The following HS3ST4 variants were observed in gnomAD, a reference collection of about 807,000 sequenced individuals.
HS3ST4 encodes the protein heparan sulfate-glucosamine 3-sulfotransferase 4.
Under a neutral mutation model 29.2 loss-of-function variants are expected in HS3ST4, and 17 were observed. The ratio of observed to expected loss-of-function variants is 0.58; its 90% CI spans 0.40 to 0.87. The LOEUF (loss-of-function observed/expected upper bound fraction) is 0.87, where lower values mean the gene tolerates loss of function less well. Among genes scored for constraint, HS3ST4 ranks in the 40% least tolerant of loss-of-function variants. HS3ST4 has a pLI of 0.00. For missense variants in HS3ST4, 627 were observed against 634.5 expected (o/e 0.99, Z 0.13); for synonymous variants, 314 against 285.7 (o/e 1.10, Z -1.00).
At chr16:26,099,296 A>G (rs1898965381) in intron 1 of HS3ST4, among the ~76,000 whole-genome samples, 1 of 152,202 alleles carries the variant, frequency 6.6e-6, no homozygotes, top group African/African-American at 2.4e-5. Context: ...CTGAGACTAC[A>G]GGTGGATGTC....
chr16:25,860,053 G>T (rs1290269436), intron 1 of HS3ST4, among the ~76,000 whole-genome samples: 1 of 152,154 alleles, frequency 6.6e-6, no homozygotes, highest in Non-Finnish European at 1.5e-5. Context: ...CTCCTTATGA[G>T]AATCTAATTG....
intron 1 of HS3ST4, among the ~76,000 whole-genome samples, chr16:25,754,275 G>T (rs1467774689): frequency 6.6e-6 from 1 of 151,908 alleles, no homozygotes; most frequent in Non-Finnish European, 1.5e-5. Flanking sequence ...CTGGTAAGGA[G>T]CCTCCAATCA....
At chr16:25,904,557 GGGACA>G (rs1293624806) in intron 1 of HS3ST4, among the ~76,000 whole-genome samples, 1 of 152,138 alleles carries the variant, frequency 6.6e-6, no homozygotes, top group Non-Finnish European at 1.5e-5. Context: ...CTGGCTTGTG[GGGACA>G]GGTTGCTTGG....
intron 1 of HS3ST4, among the ~76,000 whole-genome samples, chr16:26,074,663 AT>A (rs573174143): frequency 6.9e-4 from 103 of 150,144 alleles, no homozygotes; most frequent in East Asian, 9.8e-4. Flanking sequence ...GAATATACAC[AT>A]TTTTTTTTTA....
chr16:26,135,660 T>C lies in HS3ST4; in HGVS notation c.783T>C (p.Thr261=). The change falls in exon 2 of 2, where the codon ACT becomes ACC. Residue 261 remains threonine, a synonymous_variant. Coordinates refer to ENST00000331351, the MANE Select transcript of HS3ST4 (RefSeq NM_006040.3). ...TLDGQITMEK[T]PSYFVTNEAP... Reference sequence around the variant, plus strand: ...ATGGGCAAATAACCATGGAGAAGACTCCAAGTTACTTTGTGACAAATGAGG... The same window carrying C: ...ATGGGCAAATAACCATGGAGAAGACCCCAAGTTACTTTGTGACAAATGAGG... 6.2e-7 allele frequency: 1 copy of C among 1,613,188 alleles called. No individual in the cohort carries two copies. Among genetic ancestry groups the C allele is most frequent in the Middle Eastern group, 1.7e-4 (1 of 6,046 alleles).
At chr16:26,058,467 G>A (rs1898437353) in intron 1 of HS3ST4, among the ~76,000 whole-genome samples, 1 of 152,184 alleles carries the variant, frequency 6.6e-6, no homozygotes, top group African/African-American at 2.4e-5. Context: ...CCTTGGCTGA[G>A]AACACTGGGG....
At chr16:25,782,535 A>G (rs1314787143) in intron 1 of HS3ST4, among the ~76,000 whole-genome samples, 1 of 152,196 alleles carries the variant, frequency 6.6e-6, no homozygotes. Flanking sequence ...AGAAAAATAC[A>G]TTACACTTGA....
At chr16:25,920,665 C>A (rs1461599354) in intron 1 of HS3ST4, among the ~76,000 whole-genome samples, 1 of 142,706 alleles carries the variant, frequency 7.0e-6, no homozygotes, top group East Asian at 2.3e-4. Context: ...TACAGTGGTG[C>A]GGTCATGGCT....
intron 1 of HS3ST4, among the ~76,000 whole-genome samples, chr16:26,022,870 G>A (rs1000794663): frequency 2.0e-5 from 3 of 152,016 alleles, no homozygotes; most frequent in African/African-American, 7.2e-5. Flanking sequence ...AGTAGAGATG[G>A]GGTTTCATCA....
rs9934262 is a variant in HS3ST4 at position 25,816,414 on chromosome 16, G to A, written c.734+123263G>A. Among the ~76,000 whole-genome samples the A allele has an allele frequency of 2.2e-3, 342 of 152,244 alleles. 3 individuals carry two copies. Among genetic ancestry groups the A allele is most frequent in the African/African-American group, 7.5e-3 (310 of 41,536 alleles). On this transcript the variant is annotated intron_variant, in intron 1 of 1. Coordinates refer to ENST00000331351, the MANE Select transcript of HS3ST4 (RefSeq NM_006040.3). ...GTACCTCCAGCACCCGTCCAGACTC[G>A]TGGACTGTCTTAGGTGCACCACATC...
chr16:25,934,681 C>A (rs1968501514), intron 1 of HS3ST4, among the ~76,000 whole-genome samples: 1 of 152,160 alleles, frequency 6.6e-6, no homozygotes, highest in South Asian at 2.1e-4. Context: ...TGCATGTGGA[C>A]TGCACCAAAC....
At chr16:25,819,525 C>T (rs956497336) in intron 1 of HS3ST4, among the ~76,000 whole-genome samples, 8 of 152,142 alleles carry the variant, frequency 5.3e-5, no homozygotes, top group Non-Finnish European at 7.3e-5. Context: ...CAAAAATGCA[C>T]GGCCGTCTGT....
intron 1 of HS3ST4, among the ~76,000 whole-genome samples, chr16:26,092,759 C>A (rs62036772): frequency 6.6e-6 from 1 of 152,064 alleles, no homozygotes; most frequent in East Asian, 1.9e-4. Context: ...GTGCAGCCCA[C>A]GGAGGGTGAG....
At chr16:26,027,801 T>C (rs1969490307) in intron 1 of HS3ST4, among the ~76,000 whole-genome samples, 1 of 152,216 alleles carries the variant, frequency 6.6e-6, no homozygotes. Flanking sequence ...AGAAGTTTAA[T>C]ACTTGTTCGA....
intron 1 of HS3ST4, among the ~76,000 whole-genome samples, chr16:25,918,889 G>A (rs1968319138): frequency 6.6e-6 from 1 of 152,196 alleles, no homozygotes; most frequent in Non-Finnish European, 1.5e-5. Flanking sequence ...ATATGTGTGT[G>A]ACATGGGACA....
Position 26,051,939 on chromosome 16 carries a change from GTCCTTCCT to G in HS3ST4, c.735-83656_735-83649del, listed in dbSNP as rs1358327694. ...CTTCCTTCCTTCCTTCCTTCCTTCCGTCCTTCCTTCCTTCCTTCCTTCCTCTTCCCCAA... is the reference window on the plus strand; with the variant it reads ...CTTCCTTCCTTCCTTCCTTCCTTCCGTCCTTCCTTCCTTCCTCTTCCCCAA... On this transcript the variant is annotated intron_variant, in intron 1 of 1. Coordinates refer to ENST00000331351, the MANE Select transcript of HS3ST4 (RefSeq NM_006040.3). Among the ~76,000 whole-genome samples, 558 of 107,074 alleles carry G rather than the reference GTCCTTCCT, an allele frequency of 5.2e-3. 5 individuals are homozygous for G. The highest frequency in any genetic ancestry group is 0.019 in the African/African-American group (518 of 26,570). The allele number at this position is 107,074 out of a possible 152,430, so 70.2% of individuals were successfully genotyped here. A position where few individuals can be genotyped will look rare whatever the true frequency, so the allele number is the denominator to read the frequency against.
intron 1 of HS3ST4, among the ~76,000 whole-genome samples, chr16:25,700,360 C>T (rs1039359049): frequency 6.6e-6 from 1 of 152,130 alleles, no homozygotes; most frequent in Non-Finnish European, 1.5e-5. Context: ...TTTAGGATGC[C>T]AGGAGCCTGT....
intron 1 of HS3ST4, among the ~76,000 whole-genome samples, chr16:25,799,153 G>T (rs1480704867): frequency 6.6e-6 from 1 of 152,188 alleles, no homozygotes; most frequent in African/African-American, 2.4e-5. Context: ...GCCTTCACGT[G>T]TTTATTTTTT....
At chr16:25,835,286 T>C (rs1967345970) in intron 1 of HS3ST4, among the ~76,000 whole-genome samples, 1 of 152,202 alleles carries the variant, frequency 6.6e-6, no homozygotes, top group Non-Finnish European at 1.5e-5. Context: ...AAACATCCCC[T>C]GCTAGAGGAA....
Sources: gnomAD v4.1 joint callset for allele counts (sites outside exome capture counted in the v4.1 genomes callset) on GRCh38, gnomAD v4.1.1 for gene constraint, MANE v1.5 for transcripts, NCBI Gene and HGNC (gene_info 2026-07-23, HGNC 2026-07-21) for gene names.